Variants in SEPTIN11 observed in about 807,000 individuals in gnomAD.
The protein encoded by SEPTIN11 is septin 11.
A neutral mutation model predicts 51.4 loss-of-function variants in SEPTIN11; 25 were observed. The observed-to-expected ratio is 0.49, with a 90% confidence interval of 0.35 to 0.68. The LOEUF (loss-of-function observed/expected upper bound fraction) is 0.68. Among genes scored for constraint, SEPTIN11 ranks in the 30% least tolerant of loss-of-function variants. The pLI, the probability that SEPTIN11 is intolerant of heterozygous loss-of-function variation, is 0.00. For missense variants in SEPTIN11, 381 were observed against 520.8 expected, an observed-to-expected ratio of 0.73 and a Z score of 2.61; for synonymous variants, 174 against 184.1, an observed-to-expected ratio of 0.95 and a Z score of 0.44.
intron 2 of SEPTIN11, among the ~76,000 whole-genome samples, chr4:77,001,723 T>G (rs543773599): frequency 2.7e-4 from 41 of 152,334 alleles, no homozygotes; most frequent in African/African-American, 9.1e-4. Context: ...CTTTAGTCAT[T>G]GACTTTTCTG....
intron 4 of SEPTIN11, among the ~76,000 whole-genome samples, chr4:77,013,559 GT>G (rs2109958718): frequency 6.6e-6 from 1 of 152,290 alleles, no homozygotes; most frequent in African/African-American, 2.4e-5. Flanking sequence ...ACAATAGGAA[GT>G]TTCTTGTTCC....
Position 77,036,757 on chromosome 4 carries a change from CT to C in SEPTIN11, c.*2252del, listed in dbSNP as rs5859558. 53,757 of 1,535,232 alleles carry C rather than the reference CT, an allele frequency of 0.035. 1,927 individuals are homozygous for C. The highest frequency in any genetic ancestry group is 0.18 in the African/African-American group (13,134 of 72,954). ...TTCTTTTTTCTTTCTGTATCTATGCCTTTTTTTCACAGTAGTCCTTGGCTCT... is the reference window on the plus strand; with the variant it reads ...TTCTTTTTTCTTTCTGTATCTATGCCTTTTTTCACAGTAGTCCTTGGCTCT... On this transcript the variant is annotated 3_prime_UTR_variant, in exon 10 of 10. Coordinates refer to ENST00000264893, the MANE Select transcript of SEPTIN11 (RefSeq NM_018243.4).
In SEPTIN11 at chr4:77,038,083, G is replaced by T; in HGVS notation, c.*3571G>T. On this transcript the variant is annotated 3_prime_UTR_variant, in exon 10 of 10. Coordinates refer to ENST00000264893, the MANE Select transcript of SEPTIN11 (RefSeq NM_018243.4). ...AAAAACTGTCCATTCCCACCCCTTT[G>T]CTTTGCCATTTGCAAGAGTCTGGAA... 20 of 985,822 alleles carry T rather than the reference G, an allele frequency of 2.0e-5. No individual in the cohort carries two copies. The highest frequency in any genetic ancestry group is 2.4e-5 in the Non-Finnish European group (20 of 829,936). The allele number at this position is 985,822 out of a possible 1,614,324, so 61.1% of individuals were successfully genotyped here. A position where few individuals can be genotyped will look rare whatever the true frequency, so the allele number is the denominator to read the frequency against.
intron 5 of SEPTIN11, among the ~76,000 whole-genome samples, chr4:77,017,404 G>A (rs1484791209): frequency 6.6e-6 from 1 of 152,084 alleles, no homozygotes; most frequent in Non-Finnish European, 1.5e-5. Flanking sequence ...GATTCCACTG[G>A]CAGTTGCTTT....
rs577355402 is a variant in SEPTIN11 at position 77,036,054 on chromosome 4, G to T, written c.*1542G>T. ...TTTTGAATGAGCAAGTCTCCATTTT[G>T]ATTTCAGCAAAGATTTTTTCTCCTT... On this transcript the variant is annotated 3_prime_UTR_variant, in exon 10 of 10. Transcript: ENST00000264893. 3.2e-4 allele frequency: 317 copies of T among 985,790 alleles called. 1 individual carries two copies. Among genetic ancestry groups the T allele is most frequent in the Non-Finnish European group, 3.6e-4 (302 of 829,972 alleles). The allele number at this position is 985,790 out of a possible 1,614,324, so 61.1% of individuals were successfully genotyped here. A position where few individuals can be genotyped will look rare whatever the true frequency, so the allele number is the denominator to read the frequency against.
intron 8 of SEPTIN11, 62 bp downstream of exon 8, chr4:77,028,823 A>G: frequency 6.5e-7 from 1 of 1,546,088 alleles, no homozygotes; most frequent in Non-Finnish European, 8.7e-7. Flanking sequence ...TAAATACATC[A>G]CGCTTTAGAG....
At chr4:76,968,574 T>C (rs1311350122) in intron 1 of SEPTIN11, among the ~76,000 whole-genome samples, 3 of 152,244 alleles carry the variant, frequency 2.0e-5, no homozygotes, top group Admixed American at 1.3e-4. Flanking sequence ...AGGCTGTCTT[T>C]CTAATTATTG....
Position 77,024,441 on chromosome 4 carries a change from C to A in SEPTIN11, c.953+3771C>A, listed in dbSNP as rs1171428232. 6.6e-6 allele frequency among the ~76,000 whole-genome samples: 1 copy of A among 152,048 alleles called. No individual in the cohort carries two copies. Among genetic ancestry groups the A allele is most frequent in the East Asian group, 1.9e-4 (1 of 5,160 alleles). ...ACCCAGGCGTCTCCTTCCTCCAGAC[C>A]CCAGCCCCTTTCTGGCTGGCATTAT... is the stretch of plus-strand genomic sequence containing the variant. On this transcript the variant is annotated intron_variant, in intron 7 of 9. Transcript: ENST00000264893. The surrounding 1 kb of genome is among the most constrained non-coding windows in gnomAD (Gnocchi z 4.2).
chr4:76,995,984 T>C, intron 1 of SEPTIN11: 1 of 1,505,878 alleles, frequency 6.6e-7, no homozygotes, highest in Non-Finnish European at 8.9e-7. Flanking sequence ...AATCCTCCAC[T>C]GTGAGCTTTT....
chr4:76,977,370 T>A (rs1334455116), intron 1 of SEPTIN11, among the ~76,000 whole-genome samples: 2 of 152,172 alleles, frequency 1.3e-5, no homozygotes, highest in Non-Finnish European at 2.9e-5. Flanking sequence ...AATTGCAAGT[T>A]GCAGAGAAGT....
At chr4:77,009,703 AT>A (rs944780969) in intron 3 of SEPTIN11, 3 of 152,272 alleles carry the variant, frequency 2.0e-5, no homozygotes, top group Non-Finnish European at 4.4e-5. Flanking sequence ...ACAGAACCAT[AT>A]TTGGACTACT....
intron 1 of SEPTIN11, among the ~76,000 whole-genome samples, chr4:76,952,756 ACC>A (rs1721399647): frequency 6.6e-6 from 1 of 152,222 alleles, no homozygotes; most frequent in Non-Finnish European, 1.5e-5. Flanking sequence ...CCCTAAGAAG[ACC>A]CTGAAGCACA....
At chr4:76,977,266 A>T (rs1390281952) in intron 1 of SEPTIN11, among the ~76,000 whole-genome samples, 1 of 152,230 alleles carries the variant, frequency 6.6e-6, no homozygotes, top group African/African-American at 2.4e-5. Flanking sequence ...GCCTGAGTAA[A>T]CTATTTGTAA....
At chr4:76,991,918 A>G (rs1723401622) in intron 1 of SEPTIN11, among the ~76,000 whole-genome samples, 2 of 152,216 alleles carry the variant, frequency 1.3e-5, no homozygotes, top group South Asian at 4.1e-4. Context: ...ATCTAAGAGG[A>G]TATGTTCTAA....
At chr4:76,981,396 A>T (rs1463900366) in intron 1 of SEPTIN11, among the ~76,000 whole-genome samples, 1 of 152,244 alleles carries the variant, frequency 6.6e-6, no homozygotes, top group Admixed American at 6.5e-5. Flanking sequence ...GAAAGCCAGC[A>T]TATAAAATCT....
At position 77,028,606 on chromosome 4, in the gene SEPTIN11, C is replaced by T. The variant is rs144468810; in HGVS notation, c.954-23C>T. ...TAGTATACAATTTCATGATGCTGTCCTTCGTTTGTGGATTTTCAATAGTCT... is the reference window on the plus strand; with the variant it reads ...TAGTATACAATTTCATGATGCTGTCTTTCGTTTGTGGATTTTCAATAGTCT... On this transcript the variant is annotated intron_variant, in intron 7 of 9. Coordinates refer to ENST00000264893, the MANE Select transcript of SEPTIN11 (RefSeq NM_018243.4). 3.2e-6 allele frequency: 5 copies of T among 1,569,718 alleles called. No homozygotes were observed. In the East Asian group the frequency reaches 1.2e-4, roughly 36 times the overall value.
chr4:76,995,483 C>T (rs1171606077), intron 1 of SEPTIN11, among the ~76,000 whole-genome samples: 3 of 152,082 alleles, frequency 2.0e-5, no homozygotes, highest in Non-Finnish European at 4.4e-5. Context: ...ATATAAAGTT[C>T]ATTGACAACA....
intron 1 of SEPTIN11, among the ~76,000 whole-genome samples, chr4:76,956,962 A>ATTGTGTGTGTGTG (rs1553966569): frequency 3.4e-5 from 4 of 119,118 alleles, no homozygotes; most frequent in Non-Finnish European, 7.0e-5. Flanking sequence ...TAGTAGAATG[A>ATTGTGTGTGTGTG]TGTGTGTGTG....
intron 1 of SEPTIN11, among the ~76,000 whole-genome samples, chr4:76,954,178 C>A (rs907539979): frequency 3.3e-5 from 5 of 152,208 alleles, no homozygotes; most frequent in African/African-American, 1.2e-4. Context: ...TATATTCTAC[C>A]CAATGATGAT....
Sources: allele counts gnomAD v4.1 joint callset (sites outside exome capture counted in the v4.1 genomes callset), GRCh38; gene constraint gnomAD v4.1.1; non-coding constraint Gnocchi (gnomAD v3.1); transcripts MANE v1.5; gene names NCBI Gene and HGNC (gene_info 2026-07-23, HGNC 2026-07-21).